NREP: variants seen among roughly 807,000 people sequenced by gnomAD.
NREP encodes neuronal regeneration-related protein.
In NREP, 5 loss-of-function variants were observed where a neutral mutation model predicts 8.6. That is an observed-to-expected ratio of 0.58 (90% CI 0.30 to 1.22). NREP has a LOEUF of 1.22. NREP is among the 50% of genes most tolerant of loss of function. NREP has a pLI of 0.07. For missense variants in NREP, 86 were observed against 82.5 expected (o/e 1.04, Z -0.17); for synonymous variants, 27 against 28.0 (o/e 0.96, Z 0.11).
intron 2 of NREP, among the ~76,000 whole-genome samples, chr5:111,791,557 T>A (rs936915052): frequency 6.6e-6 from 1 of 152,138 alleles, no homozygotes; most frequent in Non-Finnish European, 1.5e-5. Context: ...CAGCTCACTG[T>A]GGCCTCAACC....
At position 111,885,057 on chromosome 5, in the gene NREP, A is replaced by G. The variant is rs534539043; in HGVS notation, c.135+90217T>C. The stretch of plus-strand genomic sequence containing the variant: ...ATTGTCCCTGTTTGCAGATGACATG[A>G]TTGTATACCTAGAAAACCCCATTGT... On this transcript the variant is annotated intron_variant, in intron 2 of 3. Coordinates refer to the NREP transcript ENST00000395634. 5.7e-4 allele frequency among the ~76,000 whole-genome samples: 87 copies of G among 152,336 alleles called. No homozygotes were observed. The East Asian group carries it at 7.5e-3, about 13-fold the overall frequency.
At chr5:111,949,339 A>G (rs1405555289) in intron 2 of NREP, among the ~76,000 whole-genome samples, 1 of 149,140 alleles carries the variant, frequency 6.7e-6, no homozygotes, top group African/African-American at 2.5e-5. Flanking sequence ...AGGAAAAGAC[A>G]TTCAAAATTA....
intron 2 of NREP, among the ~76,000 whole-genome samples, chr5:111,869,538 G>C (rs1316433885): frequency 6.6e-6 from 1 of 152,080 alleles, no homozygotes; most frequent in Non-Finnish European, 1.5e-5. Context: ...GTTTATAGTT[G>C]GGCTATTCTT....
At chr5:111,747,775 T>C (rs1348946832) in intron 2 of NREP, among the ~76,000 whole-genome samples, 1 of 152,166 alleles carries the variant, frequency 6.6e-6, no homozygotes, top group Non-Finnish European at 1.5e-5. Flanking sequence ...GTTATATTTA[T>C]ATTTTGCTCC....
chr5:111,898,418 C>A (rs1231522223), intron 2 of NREP, among the ~76,000 whole-genome samples: 1 of 152,052 alleles, frequency 6.6e-6, no homozygotes, highest in African/African-American at 2.4e-5. Flanking sequence ...AAGTTTCTGG[C>A]CTAAGTAATT....
At chr5:111,814,176 T>C (rs1245964135) in intron 2 of NREP, among the ~76,000 whole-genome samples, 2 of 152,118 alleles carry the variant, frequency 1.3e-5, no homozygotes, top group Non-Finnish European at 2.9e-5. Context: ...GTTTCAGTTA[T>C]GCAAATATAA....
chr5:111,942,146 A>G (rs1017843707), intron 2 of NREP, among the ~76,000 whole-genome samples: 3 of 152,090 alleles, frequency 2.0e-5, no homozygotes, highest in Non-Finnish European at 4.4e-5. Flanking sequence ...TTCTTATGGT[A>G]ACCATCTTAG....
At position 111,770,135 on chromosome 5, in the gene NREP, C is replaced by G. The variant is rs1751182988; in HGVS notation, c.136-34628G>C. On this transcript the variant is annotated intron_variant, in intron 2 of 3. Coordinates refer to the NREP transcript ENST00000395634. ...ACTTATCATGTCTATTGTAAACCTT[C>G]TGCTGGCTTTGCTTATCACCAGACT... 4.6e-5 allele frequency among the ~76,000 whole-genome samples: 7 copies of G among 152,306 alleles called. 1 individual carries two copies. In the South Asian group the frequency reaches 1.4e-3, roughly 32 times the overall value.
intron 2 of NREP, among the ~76,000 whole-genome samples, chr5:111,911,728 A>G (rs1017790055): frequency 3.3e-5 from 5 of 152,122 alleles, no homozygotes; most frequent in African/African-American, 1.2e-4. Context: ...TTTTTTGACC[A>G]TCTAAAAGAC....
At chr5:111,837,108 T>C (rs1387811857) in intron 2 of NREP, among the ~76,000 whole-genome samples, 1 of 152,104 alleles carries the variant, frequency 6.6e-6, no homozygotes, top group African/African-American at 2.4e-5. Flanking sequence ...AATAAAATTT[T>C]TTTTGGCTTC....
intron 2 of NREP, among the ~76,000 whole-genome samples, chr5:111,934,462 T>C (rs1379188718): frequency 6.6e-6 from 1 of 152,068 alleles, no homozygotes; most frequent in East Asian, 1.9e-4. Context: ...CATGAAAAGA[T>C]AGTAATTAAA....
intron 2 of NREP, among the ~76,000 whole-genome samples, chr5:111,927,105 A>G (rs1391146987): frequency 1.3e-5 from 2 of 151,836 alleles, no homozygotes; most frequent in Admixed American, 6.6e-5. Context: ...TGGGCCCTAT[A>G]TTCTGCTATT....
chr5:111,822,347 G>C (rs1390256357), intron 2 of NREP, among the ~76,000 whole-genome samples: 1 of 152,184 alleles, frequency 6.6e-6, no homozygotes, highest in South Asian at 2.1e-4. Context: ...AGAAATCAGT[G>C]ACAGAGACTG....
intron 2 of NREP, among the ~76,000 whole-genome samples, chr5:111,763,667 T>C (rs140187073): frequency 1.3e-5 from 2 of 152,378 alleles, no homozygotes; most frequent in East Asian, 3.9e-4. Context: ...ATCTGCATCA[T>C]GGTACAAAAC....
intron 2 of NREP, among the ~76,000 whole-genome samples, chr5:111,915,632 A>G (rs1050584448): frequency 6.6e-6 from 1 of 152,100 alleles, no homozygotes; most frequent in Non-Finnish European, 1.5e-5. Context: ...CATGGTTTTC[A>G]AACATTTTTG....
chr5:111,843,719 A>G (rs540558948), intron 2 of NREP, among the ~76,000 whole-genome samples: 221 of 152,190 alleles, frequency 1.5e-3, no homozygotes, highest in African/African-American at 5.2e-3. Context: ...AAAGCCCTTT[A>G]CCAGTCAGCC....
intron 2 of NREP, among the ~76,000 whole-genome samples, chr5:111,763,461 C>T (rs1751012039): frequency 1.3e-5 from 2 of 152,174 alleles, no homozygotes; most frequent in Admixed American, 1.3e-4. Context: ...TTTTACTCAA[C>T]ACCTGGAAAT....
At chr5:111,859,695 G>A (rs564348728) in intron 2 of NREP, among the ~76,000 whole-genome samples, 18 of 152,010 alleles carry the variant, frequency 1.2e-4, no homozygotes, top group Non-Finnish European at 2.1e-4. Flanking sequence ...GGTCAAGCCC[G>A]GCCATGCTGA....
chr5:111,913,970 C>T (rs1754983382), intron 2 of NREP, among the ~76,000 whole-genome samples: 3 of 152,042 alleles, frequency 2.0e-5, no homozygotes, highest in Admixed American at 1.3e-4. Context: ...TGGAAGCAAC[C>T]ATCCTTACGC....
Sources: allele counts gnomAD v4.1 joint callset (sites outside exome capture counted in the v4.1 genomes callset), GRCh38; gene constraint gnomAD v4.1.1; transcripts MANE v1.5; gene names NCBI Gene and HGNC (gene_info 2026-07-23, HGNC 2026-07-21).